LIN9: variants seen among roughly 807,000 people sequenced by gnomAD.
LIN9 encodes the protein lin-9 DREAM MuvB core complex component.
LIN9 carries 18 observed loss-of-function variants against 78.0 expected under a neutral mutation model. The ratio of observed to expected loss-of-function variants is 0.23; its 90% confidence interval spans 0.16 to 0.34. The LOEUF is 0.34. Among genes scored for constraint, LIN9 ranks in the 10% least tolerant of loss-of-function variants. LIN9 has a pLI of 1.00. For missense variants in LIN9, 451 were observed against 644.1 expected, an observed-to-expected ratio of 0.70 and a Z score of 3.25; for synonymous variants, 192 against 215.2, an observed-to-expected ratio of 0.89 and a Z score of 0.94.
chr1:226,291,292 T>C (rs566680366), intron 4 of LIN9, among the ~76,000 whole-genome samples: 37 of 152,226 alleles, frequency 2.4e-4, no homozygotes, highest in African/African-American at 8.7e-4. Flanking sequence ...TTGAATACTA[T>C]TCAATAGTAA....
chr1:226,232,738 A>G, intron 14 of LIN9, 132 bp from the exon 15 acceptor site: 1 of 556,654 alleles, frequency 1.8e-6, no homozygotes, highest in Non-Finnish European at 3.1e-6. Context: ...CTCCTCTAAT[A>G]TATTAGCCAT....
chr1:226,240,383 T>G (rs1658029942), intron 11 of LIN9, among the ~76,000 whole-genome samples: 1 of 123,964 alleles, frequency 8.1e-6, no homozygotes, highest in South Asian at 2.7e-4. Context: ...CAGCTTGTTC[T>G]AAGTTTTTTT....
chr1:226,258,630 C>T (rs1377980740), intron 10 of LIN9, among the ~76,000 whole-genome samples: 1 of 151,632 alleles, frequency 6.6e-6, no homozygotes, highest in Non-Finnish European at 1.5e-5. Flanking sequence ...GTGGCTCACA[C>T]CTGTAATCCC....
At chr1:226,309,555 G>A (rs150096442), upstream of LIN9, 27,303 of 1,181,340 alleles carry the variant, frequency 0.023, 353 homozygotes, top group Middle Eastern at 0.08. Flanking sequence ...GGAGGCCCCG[G>A]CGGGGGGAAA....
At chr1:226,298,337 T>C (rs1216161697) in intron 2 of LIN9, among the ~76,000 whole-genome samples, 3 of 152,174 alleles carry the variant, frequency 2.0e-5, no homozygotes, top group Non-Finnish European at 2.9e-5. Flanking sequence ...GCCTCCCCAG[T>C]AGTGGGATTA....
intron 6 of LIN9, among the ~76,000 whole-genome samples, chr1:226,280,266 GA>G (rs1233627041): frequency 6.6e-6 from 1 of 151,960 alleles, no homozygotes; most frequent in Non-Finnish European, 1.5e-5. Context: ...AAAACAATGA[GA>G]AAAAAGGATA....
intron 11 of LIN9, among the ~76,000 whole-genome samples, chr1:226,246,621 A>C: frequency 6.7e-6 from 1 of 150,350 alleles, no homozygotes; most frequent in East Asian, 1.9e-4. Context: ...TCTCTACTAA[A>C]AAAAAAAAAA....
At position 226,233,080 on chromosome 1, in the gene LIN9, A is replaced by C. The variant is rs776135299; in HGVS notation, c.1523+16T>G. On this transcript the variant is annotated intron_variant, in intron 14 of 14. Transcript: ENST00000681046. ...AACTTCACATTAAAATGATTAGAGT[A>C]TACCTAACGAATTACCTGATATTAG... is the stretch of plus-strand genomic sequence containing the variant. 7.0e-7 allele frequency: 1 copy of C among 1,430,318 alleles called. No individual in the cohort carries two copies. Among genetic ancestry groups the C allele is most frequent in the South Asian group, 1.2e-5 (1 of 81,216 alleles). 88.6% of individuals were successfully genotyped at this position (1,430,318 alleles called of 1,614,324 possible). A position where few individuals can be genotyped will look rare whatever the true frequency, so the allele number is the denominator to read the frequency against.
chr1:226,293,965 G>A (rs780639256), intron 4 of LIN9, among the ~76,000 whole-genome samples: 17 of 152,212 alleles, frequency 1.1e-4, no homozygotes, highest in Admixed American at 5.2e-4. Flanking sequence ...GCATTTAAGA[G>A]TTTTTATTGG....
At chr1:226,233,976 T>G (rs1657522367) in intron 12 of LIN9, among the ~76,000 whole-genome samples, 1 of 152,218 alleles carries the variant, frequency 6.6e-6, no homozygotes, top group Non-Finnish European at 1.5e-5. Context: ...AATGTGGGTT[T>G]GTTTGTTTCC....
chr1:226,280,783 C>T (rs1348721040), intron 6 of LIN9, among the ~76,000 whole-genome samples: 2 of 151,958 alleles, frequency 1.3e-5, no homozygotes, highest in African/African-American at 4.8e-5. Context: ...CAAAAACAAA[C>T]ACATAAACAA....
Position 226,268,050 on chromosome 1 carries a change from T to C in LIN9, c.723A>G (p.Gln241=), listed in dbSNP as rs1042799806. Reference sequence around the variant, plus strand: ...CATTAAGAGTATCCACAGCATCTATTTGTCCAGTGAACAAACCATCATGAA... The same window carrying C: ...CATTAAGAGTATCCACAGCATCTATCTGTCCAGTGAACAAACCATCATGAA... ...RGVHDGLFTG[Q]IDAVDTLNAT... Residue 241 remains glutamine, a synonymous_variant, in exon 8 of 15, where the codon CAA becomes CAG. Coordinates refer to ENST00000681046, the MANE Select transcript of LIN9 (RefSeq NM_001366245.2). 1 of 1,614,138 alleles carries C rather than the reference T, an allele frequency of 6.2e-7. No homozygotes were observed. The highest frequency in any genetic ancestry group is 1.7e-5 in the Admixed American group (1 of 60,024).
intron 4 of LIN9, among the ~76,000 whole-genome samples, chr1:226,291,469 TAC>T: frequency 6.6e-6 from 1 of 152,132 alleles, no homozygotes; most frequent in South Asian, 2.1e-4. Flanking sequence ...AAAATATATA[TAC>T]ATTTAACAAT....
At chr1:226,280,198 C>T (rs1173575694) in intron 6 of LIN9, among the ~76,000 whole-genome samples, 2 of 152,170 alleles carry the variant, frequency 1.3e-5, no homozygotes, top group Non-Finnish European at 2.9e-5. Flanking sequence ...CATGTTATGG[C>T]TTTCACTTTC....
At chr1:226,296,706 G>A (rs1266276950) in intron 3 of LIN9, among the ~76,000 whole-genome samples, 2 of 152,030 alleles carry the variant, frequency 1.3e-5, no homozygotes, top group East Asian at 1.9e-4. Context: ...ACATCCACTC[G>A]GGTCTATGAA....
At chr1:226,244,099 C>A (rs1239999741) in intron 11 of LIN9, among the ~76,000 whole-genome samples, 2 of 149,258 alleles carry the variant, frequency 1.3e-5, no homozygotes, top group Non-Finnish European at 3.0e-5. Context: ...TAATCTCGAA[C>A]TCCTGACCTC....
At chr1:226,278,065 T>C in intron 6 of LIN9, 133 bp from the exon 7 acceptor site, 1 of 645,484 alleles carries the variant, frequency 1.5e-6, no homozygotes, top group Non-Finnish European at 2.6e-6. Flanking sequence ...CAATCTTGGC[T>C]CACTGCAACC....
Position 226,268,103 on chromosome 1 carries a change from C to A in LIN9, c.683-13G>T. On this transcript the variant is annotated splice_polypyrimidine_tract_variant and intron_variant, in intron 7 of 14. Transcript: ENST00000681046. Reference sequence around the variant, plus strand: ...CCACGTAATCGTGCTGAGAAAAGAACAAAGGCATTATGATGTGTGGGAGAT... The same window carrying A: ...CCACGTAATCGTGCTGAGAAAAGAAAAAAGGCATTATGATGTGTGGGAGAT... 4 of 1,611,552 alleles carry A rather than the reference C, an allele frequency of 2.5e-6. No individual in the cohort carries two copies. Among genetic ancestry groups the A allele is most frequent in the Middle Eastern group, 3.3e-4 (2 of 6,038 alleles).
chr1:226,301,693 C>G (rs1662544194), intron 1 of LIN9, among the ~76,000 whole-genome samples: 1 of 152,196 alleles, frequency 6.6e-6, no homozygotes, highest in Non-Finnish European at 1.5e-5. Flanking sequence ...ACTTCAAGAT[C>G]TAAGCTGGAA....
Sources: gnomAD v4.1 joint callset for allele counts (sites outside exome capture counted in the v4.1 genomes callset) on GRCh38, gnomAD v4.1.1 for gene constraint, MANE v1.5 for transcripts, NCBI Gene and HGNC (gene_info 2026-07-23, HGNC 2026-07-21) for gene names.